The following RELCH variants were observed in gnomAD, a reference collection of about 807,000 sequenced individuals.
The protein encoded by RELCH is RAB11 binding and LisH domain, coiled-coil and HEAT repeat containing.
RELCH carries 41 observed loss-of-function variants against 150.3 expected under a neutral mutation model. The ratio of observed to expected loss-of-function variants is 0.27; its 90% confidence interval spans 0.21 to 0.35. The LOEUF (loss-of-function observed/expected upper bound fraction) is 0.35, where lower values mean the gene tolerates loss of function less well. Ranked by LOEUF, RELCH falls within the 10% of genes least tolerant of loss-of-function variation. The pLI is 1.00. For synonymous variants in RELCH, 478 were observed against 531.8 expected, an observed-to-expected ratio of 0.90 and a Z score of 1.39; for missense variants, 1,092 against 1,467.8, an observed-to-expected ratio of 0.74 and a Z score of 4.18.
At chr18:62,194,403 A>G (rs1399945267) in intron 1 of RELCH, among the ~76,000 whole-genome samples, 3 of 152,306 alleles carry the variant, frequency 2.0e-5, no homozygotes, top group Admixed American at 6.5e-5. Context: ...TACAAGTTTT[A>G]TAGTTTTGAC....
At chr18:62,285,267 A>G (rs1209990994) in intron 25 of RELCH, among the ~76,000 whole-genome samples, 1 of 152,090 alleles carries the variant, frequency 6.6e-6, no homozygotes, top group Non-Finnish European at 1.5e-5. Flanking sequence ...CCTCCCGAGT[A>G]GCTGGGATTA....
intron 22 of RELCH, among the ~76,000 whole-genome samples, chr18:62,279,367 G>A (rs2044382478): frequency 6.6e-6 from 1 of 152,148 alleles, no homozygotes; most frequent in African/African-American, 2.4e-5. Flanking sequence ...TTTAAAAACA[G>A]CCCAGTTTGT....
chr18:62,221,522 G>T, intron 5 of RELCH, 25 bp downstream of exon 5: 1 of 1,104,366 alleles, frequency 9.1e-7, no homozygotes, highest in Non-Finnish European at 1.3e-6. Context: ...TGTTTTTACA[G>T]TGATTTTTTT....
intron 22 of RELCH, chr18:62,277,713 A>T: frequency 1.0e-6 from 1 of 959,888 alleles, no homozygotes; most frequent in Non-Finnish European, 1.2e-6. Context: ...GCAGGACAAA[A>T]AGAGGGAACC....
At chr18:62,242,413 C>T (rs1214349905) in intron 10 of RELCH, among the ~76,000 whole-genome samples, 1 of 152,124 alleles carries the variant, frequency 6.6e-6, no homozygotes, top group Non-Finnish European at 1.5e-5. Flanking sequence ...GTTGAAACGG[C>T]TTTTTTAGGC....
chr18:62,218,360 T>TA (rs1363718476), intron 2 of RELCH, among the ~76,000 whole-genome samples: 2 of 151,940 alleles, frequency 1.3e-5, no homozygotes, highest in South Asian at 2.1e-4. Flanking sequence ...TCTTTTAAAA[T>TA]ACAGCAATAT....
chr18:62,204,702 G>A (rs570021474), intron 1 of RELCH, among the ~76,000 whole-genome samples: 7 of 152,190 alleles, frequency 4.6e-5, no homozygotes, highest in African/African-American at 1.7e-4. Context: ...TTCCAGTTTA[G>A]CATTTTATAT....
intron 15 of RELCH, among the ~76,000 whole-genome samples, chr18:62,259,438 ATC>A (rs1297709469): frequency 6.6e-6 from 1 of 151,882 alleles, no homozygotes; most frequent in Non-Finnish European, 1.5e-5. Flanking sequence ...GAGATGAAGG[ATC>A]TCTGCCATGA....
At chr18:62,263,558 TAC>T (rs1379343447) in intron 16 of RELCH, among the ~76,000 whole-genome samples, 1 of 152,016 alleles carries the variant, frequency 6.6e-6, no homozygotes, top group Non-Finnish European at 1.5e-5. Context: ...CGTTTATATA[TAC>T]ACACACATAA....
At chr18:62,273,228 A>T (rs886619847) in intron 20 of RELCH, among the ~76,000 whole-genome samples, 1 of 151,744 alleles carries the variant, frequency 6.6e-6, no homozygotes, top group African/African-American at 2.4e-5. Context: ...TATTTTTTTT[A>T]CTCTCTTAAT....
At position 62,187,445 on chromosome 18, in the gene RELCH, G is replaced by T; in HGVS notation, c.-61G>T. The T allele has an allele frequency of 6.8e-7, 1 of 1,476,612 alleles. No individual in the cohort carries two copies. Among genetic ancestry groups the T allele is most frequent in the Non-Finnish European group, 9.0e-7 (1 of 1,111,804 alleles). 91.5% of individuals were successfully genotyped at this position (1,476,612 alleles called of 1,614,324 possible). ...GCGCTGTGTCCCCTGAGGCCTAGAG[G>T]ATTCGGGCTGCGGCCCGTCGGAACC... On this transcript the variant is annotated 5_prime_UTR_variant, in exon 1 of 29. Transcript: ENST00000644646.
At chr18:62,212,821 A>T (rs1208154041) in intron 2 of RELCH, among the ~76,000 whole-genome samples, 1 of 152,224 alleles carries the variant, frequency 6.6e-6, no homozygotes, top group Non-Finnish European at 1.5e-5. Context: ...TTAAAATGTC[A>T]TTCCAATAAA....
rs766746059 is a variant in RELCH, at chr18:62,228,432, T to C, written c.1282T>C (p.Ser428Pro). ...TGGACAGCATCCAGATGTAAATAGTTCAGACAAGGGAAAAAACACAGACAT... is the reference window on the plus strand; with the variant it reads ...TGGACAGCATCCAGATGTAAATAGTCCAGACAAGGGAAAAAACACAGACAT... ...DSGQHPDVNSSDKGKNTDIHL... is the reference protein window; with the variant it reads ...DSGQHPDVNSPDKGKNTDIHL... The change falls in exon 8 of 29, where the codon TCA (serine) becomes CCA (proline). Residue 428 changes from serine (S) to proline (P), a missense_variant. By Grantham distance (74) the Ser-to-Pro change is moderately conservative. This residue lies in a region of RELCH where 707 missense variants were observed against 1,025.4 expected (regional missense o/e 0.69). Transcript: ENST00000644646. The C allele has an allele frequency of 2.8e-5, 45 of 1,613,210 alleles. No homozygotes were observed. In the Admixed American group the frequency reaches 6.2e-4, roughly 22 times the overall value.
intron 5 of RELCH, among the ~76,000 whole-genome samples, chr18:62,223,241 G>C (rs1027643267): frequency 2.6e-5 from 4 of 151,934 alleles, no homozygotes; most frequent in African/African-American, 9.7e-5. Flanking sequence ...TAGCCTAACT[G>C]ATTAGGAAAA....
chr18:62,258,138 A>T lies in RELCH; in HGVS notation c.2037+50A>T, dbSNP rs780584395. 2.8e-6 allele frequency: 4 copies of T among 1,422,618 alleles called. No individual in the cohort carries two copies. In the Admixed American group the frequency reaches 8.1e-5, roughly 29 times the overall value. 88.1% of individuals were successfully genotyped at this position (1,422,618 alleles called of 1,614,324 possible). ...TTTACTCCATTATAAAATTCCAAGT[A>T]TTATAATATTCCAAATCTCTGATTT... On this transcript the variant is annotated intron_variant, in intron 14 of 28. Coordinates refer to ENST00000644646, the MANE Select transcript of RELCH (RefSeq NM_001346231.2).
intron 26 of RELCH, among the ~76,000 whole-genome samples, chr18:62,287,860 T>C (rs2044891638): frequency 6.6e-6 from 1 of 152,126 alleles, no homozygotes; most frequent in Admixed American, 6.6e-5. Context: ...TAACTCTCAG[T>C]ATCCAGTGGA....
chr18:62,246,208 A>G (rs191650180), intron 11 of RELCH: 325 of 152,326 alleles, frequency 2.1e-3, no homozygotes, highest in African/African-American at 7.4e-3. Flanking sequence ...TTTATACACA[A>G]AACTTTCTAT....
intron 17 of RELCH, 147 bp from the exon 18 acceptor site, chr18:62,264,582 C>T: frequency 3.2e-6 from 2 of 622,250 alleles, no homozygotes; most frequent in South Asian, 2.1e-5. Flanking sequence ...TGTAATCTTA[C>T]AACCTATTCA....
chr18:62,282,688 C>T (rs751755605), intron 25 of RELCH, among the ~76,000 whole-genome samples: 34 of 152,268 alleles, frequency 2.2e-4, no homozygotes, highest in Admixed American at 1.2e-3. Flanking sequence ...GACAGAGTCT[C>T]GCTCTGTCAC....
Sources: allele counts gnomAD v4.1 joint callset (sites outside exome capture counted in the v4.1 genomes callset), GRCh38; gene constraint gnomAD v4.1.1; regional missense constraint gnomAD v4.1.1; transcripts MANE v1.5; gene names NCBI Gene and HGNC (gene_info 2026-07-23, HGNC 2026-07-21).